Variants in PMS1 observed in about 807,000 individuals in gnomAD.
PMS1 encodes the protein PMS1 homolog 1, mismatch repair system component, also known as PMS1 protein homolog 1.
Under a neutral mutation model 93.1 loss-of-function variants are expected in PMS1, and 79 were observed. That is an observed-to-expected ratio of 0.85 (90% confidence interval 0.71 to 1.02). The LOEUF is 1.02. PMS1 is among the 50% of genes least tolerant of loss of function. The probability of loss-of-function intolerance (pLI) is 0.00; values close to 1 mark genes in which losing one functional copy is unlikely to be tolerated. For missense variants in PMS1, 1,064 were observed against 1,085.3 expected (o/e 0.98, Z 0.28); for synonymous variants, 335 against 363.4 (o/e 0.92, Z 0.89).
chr2:189,805,941 G>A (rs1013359201), intron 4 of PMS1, 187 bp downstream of exon 4: 19 of 1,503,592 alleles, frequency 1.3e-5, no homozygotes, highest in Non-Finnish European at 1.6e-5. Flanking sequence ...ATTTAGAATT[G>A]TTCTCAAAAG....
chr2:189,854,719 G>T lies in PMS1; in HGVS notation c.1447G>T (p.Glu483Ter). 1 of 1,613,944 alleles carries T rather than the reference G, an allele frequency of 6.2e-7. No homozygotes were observed. Among genetic ancestry groups the T allele is most frequent in the African/African-American group, 1.3e-5 (1 of 75,038 alleles). ...DHIDESGENE[E>*]EAGLENSSEI... ...TATAGATGAGAGTGGGGAAAATGAGGAAGAAGCAGGTCTTGAAAACTCTTC... is the reference window on the plus strand; with the variant it reads ...TATAGATGAGAGTGGGGAAAATGAGTAAGAAGCAGGTCTTGAAAACTCTTC... Residue 483 changes from glutamate to a stop codon, truncating the protein, a stop_gained, in exon 9 of 13, where the codon GAA becomes TAA. Coordinates refer to ENST00000441310, the MANE Select transcript of PMS1 (RefSeq NM_000534.5). LOFTEE classifies it high-confidence loss of function.
At chr2:189,806,345 T>G (rs2106280548) in intron 4 of PMS1, 1 of 266,158 alleles carries the variant, frequency 3.8e-6, no homozygotes, top group Non-Finnish European at 7.3e-6. Context: ...GTGTTTTATA[T>G]ACTTTTATGT....
rs2053850878 is a variant in PMS1 at position 189,841,921 on chromosome 2, G to T, written c.583-2043G>T. ...CTGCATTTTAGAACAAAGGGGAGCT[G>T]TCTCAGCCTCCAGCCACTGAGTCTC... is the stretch of plus-strand genomic sequence containing the variant. On this transcript the variant is annotated intron_variant, in intron 5 of 12. Transcript: ENST00000441310. 6.0e-5 allele frequency among the ~76,000 whole-genome samples: 3 copies of T among 50,162 alleles called. No individual in the cohort carries two copies. In the South Asian group the frequency reaches 2.0e-3, roughly 34 times the overall value. 32.9% of individuals were successfully genotyped at this position (50,162 alleles called of 152,430 possible).
At chr2:189,847,742 A>G (rs969745497) in intron 6 of PMS1, among the ~76,000 whole-genome samples, 1 of 152,056 alleles carries the variant, frequency 6.6e-6, no homozygotes, top group African/African-American at 2.4e-5. Flanking sequence ...GTCAGGTTCC[A>G]CTTGAGTGTT....
At chr2:189,843,103 C>T (rs1190530603) in intron 5 of PMS1, among the ~76,000 whole-genome samples, 1 of 151,908 alleles carries the variant, frequency 6.6e-6, no homozygotes, top group Admixed American at 6.6e-5. Context: ...CTGCAACCTC[C>T]GCCTCCCCAG....
chr2:189,789,553 C>T (rs1299014271), intron 1 of PMS1, among the ~76,000 whole-genome samples: 1 of 152,092 alleles, frequency 6.6e-6, no homozygotes, highest in East Asian at 1.9e-4. Flanking sequence ...CGGCCTCTTC[C>T]CAGAAGTGCA....
intron 2 of PMS1, among the ~76,000 whole-genome samples, chr2:189,793,388 G>A (rs1183056017): frequency 6.6e-6 from 1 of 152,198 alleles, no homozygotes. Context: ...GCTGATGCTG[G>A]TGGGTTATGG....
At chr2:189,787,800 C>T (rs1484790558) in intron 1 of PMS1, among the ~76,000 whole-genome samples, 1 of 151,958 alleles carries the variant, frequency 6.6e-6, no homozygotes, top group East Asian at 1.9e-4. Context: ...ACTCAATCAG[C>T]TAATCTATAA....
intron 12 of PMS1, among the ~76,000 whole-genome samples, chr2:189,874,173 T>C (rs2057376319): frequency 6.6e-6 from 1 of 152,206 alleles, no homozygotes; most frequent in East Asian, 1.9e-4. Flanking sequence ...CATGGATTCT[T>C]ACCATAACAT....
At chr2:189,823,131 C>G (rs2052093931) in intron 5 of PMS1, among the ~76,000 whole-genome samples, 1 of 151,846 alleles carries the variant, frequency 6.6e-6, no homozygotes, top group East Asian at 1.9e-4. Context: ...ACTAGGCAGT[C>G]ACCTTTAAAA....
chr2:189,785,025 C>A (rs2048161412), intron 1 of PMS1, among the ~76,000 whole-genome samples: 1 of 152,188 alleles, frequency 6.6e-6, no homozygotes. Context: ...AGACAGGCAC[C>A]TGTATTACAT....
At chr2:189,794,049 C>T (rs2049123898) in intron 2 of PMS1, among the ~76,000 whole-genome samples, 1 of 152,070 alleles carries the variant, frequency 6.6e-6, no homozygotes, top group Non-Finnish European at 1.5e-5. Flanking sequence ...AGCCACCATA[C>T]TTGGCCTGAT....
At chr2:189,859,840 A>G (rs1273622152) in intron 9 of PMS1, among the ~76,000 whole-genome samples, 1 of 152,200 alleles carries the variant, frequency 6.6e-6, no homozygotes, top group Non-Finnish European at 1.5e-5. Context: ...ACTAACAATT[A>G]GCTAATCACA....
At chr2:189,873,700 A>G (rs1225982101) in intron 12 of PMS1, 44 bp downstream of exon 12, 3 of 1,455,082 alleles carry the variant, frequency 2.1e-6, no homozygotes, top group South Asian at 2.3e-5. Flanking sequence ...CAGGGGTCCC[A>G]ACTCCCGGGC....
At chr2:189,842,540 T>C (rs992977773) in intron 5 of PMS1, among the ~76,000 whole-genome samples, 1 of 152,162 alleles carries the variant, frequency 6.6e-6, no homozygotes, top group African/African-American at 2.4e-5. Flanking sequence ...CTCTGGACCA[T>C]GATTGTCTTA....
At chr2:189,855,531 A>G (rs1273994527) in intron 9 of PMS1, among the ~76,000 whole-genome samples, 1 of 151,868 alleles carries the variant, frequency 6.6e-6, no homozygotes, top group African/African-American at 2.4e-5. Context: ...TGTTTTTAAT[A>G]TCTTAACTAT....
Position 189,809,447 on chromosome 2 carries a change from C to CTTTTTTTTTT in PMS1, c.418+3711_418+3720dup, listed in dbSNP as rs972672920. 5.8e-3 allele frequency among the ~76,000 whole-genome samples: 371 copies of CTTTTTTTTTT among 63,474 alleles called. 31 individuals are homozygous for CTTTTTTTTTT. Among genetic ancestry groups the CTTTTTTTTTT allele is most frequent in the Non-Finnish European group, 7.3e-3 (224 of 30,784 alleles). 41.6% of individuals were successfully genotyped at this position (63,474 alleles called of 152,430 possible). A position where few individuals can be genotyped will look rare whatever the true frequency, so the allele number is the denominator to read the frequency against. On this transcript the variant is annotated intron_variant, in intron 4 of 12. Transcript: ENST00000441310. The stretch of plus-strand genomic sequence containing the variant: ...TTGGTGCTTTTAAGGAAGCACATTT[C>CTTTTTTTTTT]TTTTTTTTTTTTTTTTTTTTTTTTT...
At position 189,807,943 on chromosome 2, in the gene PMS1, A is replaced by C. The variant is rs575101287; in HGVS notation, c.418+2189A>C. Among the ~76,000 whole-genome samples, 259 of 152,316 alleles carry C rather than the reference A, an allele frequency of 1.7e-3. 13 individuals carry two copies. In the South Asian group the frequency reaches 0.051, roughly 30 times the overall value. ...GAAAACAGCAGAAAGTTAAAGTCTT[A>C]ATTTTAAGTTGTTCTTGGTGGACAT... On this transcript the variant is annotated intron_variant, in intron 4 of 12. Transcript: ENST00000441310.
At chr2:189,813,605 A>G (rs1387763626) in intron 4 of PMS1, among the ~76,000 whole-genome samples, 3 of 152,250 alleles carry the variant, frequency 2.0e-5, no homozygotes, top group Non-Finnish European at 4.4e-5. Flanking sequence ...AAACAACTTC[A>G]TATTTTATTG....
Sources: gnomAD v4.1 joint callset for allele counts (sites outside exome capture counted in the v4.1 genomes callset) on GRCh38, gnomAD v4.1.1 for gene constraint, MANE v1.5 for transcripts, NCBI Gene and HGNC (gene_info 2026-07-23, HGNC 2026-07-21) for gene names.